PLXNA4: variants seen among roughly 807,000 people sequenced by gnomAD.
The protein encoded by PLXNA4 is plexin A4, also known as plexin-A4.
A neutral mutation model predicts 191.8 loss-of-function variants in PLXNA4; 44 were observed. That is an observed-to-expected ratio of 0.23 (90% CI 0.18 to 0.29). The LOEUF (loss-of-function observed/expected upper bound fraction) is 0.29, where lower values mean the gene tolerates loss of function less well. Ranked by LOEUF, PLXNA4 falls within the 10% of genes least tolerant of loss-of-function variation. The pLI, the probability that PLXNA4 is intolerant of heterozygous loss-of-function variation, is 1.00. For missense variants in PLXNA4, 1,800 were observed against 2,488.8 expected, an observed-to-expected ratio of 0.72 and a Z score of 5.89; for synonymous variants, 1,082 against 1,009.5, an observed-to-expected ratio of 1.07 and a Z score of -1.36.
chr7:132,471,087 T>G (rs1291464312), intron 3 of PLXNA4, among the ~76,000 whole-genome samples: 1 of 152,138 alleles, frequency 6.6e-6, no homozygotes, highest in Non-Finnish European at 1.5e-5. Flanking sequence ...GCGGTTTTTG[T>G]GATAGTGAGA....
intron 2 of PLXNA4, among the ~76,000 whole-genome samples, chr7:132,503,932 A>G (rs559961979): frequency 6.6e-6 from 1 of 152,204 alleles, no homozygotes; most frequent in Non-Finnish European, 1.5e-5. Flanking sequence ...GGGGTAAAGC[A>G]TGGCTCAGAG....
intron 1 of PLXNA4, among the ~76,000 whole-genome samples, chr7:132,571,665 A>G (rs923180390): frequency 4.6e-5 from 7 of 152,202 alleles, no homozygotes; most frequent in Non-Finnish European, 1.0e-4. Context: ...CTTCTATGCT[A>G]TCAAAATGGG....
At chr7:132,331,285 C>T (rs1416262718) in intron 3 of PLXNA4, among the ~76,000 whole-genome samples, 1 of 152,250 alleles carries the variant, frequency 6.6e-6, no homozygotes, top group African/African-American at 2.4e-5. Flanking sequence ...TGAACCTTGC[C>T]AGCTGGGGCT....
intron 4 of PLXNA4, among the ~76,000 whole-genome samples, chr7:132,264,499 A>C (rs1355732714): frequency 6.6e-6 from 1 of 152,028 alleles, no homozygotes; most frequent in African/African-American, 2.4e-5. Context: ...CCTGGTTTGC[A>C]GAGACACTTA....
chr7:132,323,707 G>A (rs1228572679), intron 3 of PLXNA4, among the ~76,000 whole-genome samples: 1 of 152,028 alleles, frequency 6.6e-6, no homozygotes, highest in East Asian at 1.9e-4. Flanking sequence ...CATGCTTCTG[G>A]GTTCTGCAAA....
intron 3 of PLXNA4, among the ~76,000 whole-genome samples, chr7:132,368,306 A>G (rs1804277739): frequency 6.6e-6 from 1 of 152,118 alleles, no homozygotes; most frequent in Non-Finnish European, 1.5e-5. Flanking sequence ...ATCAACTACT[A>G]AGGTATGAGA....
intron 3 of PLXNA4, among the ~76,000 whole-genome samples, chr7:132,389,785 T>C (rs932387320): frequency 6.6e-6 from 1 of 152,158 alleles, no homozygotes; most frequent in East Asian, 1.9e-4. Flanking sequence ...TTTGAAGTAG[T>C]TTTTTTTCCA....
In PLXNA4 at chr7:132,508,061, A is replaced by G. The variant is rs538064411; in HGVS notation, c.633T>C (p.Asp211=). 1.9e-6 allele frequency: 3 copies of G among 1,614,254 alleles called. No homozygotes were observed. In the African/African-American group the frequency reaches 4.0e-5, roughly 22 times the overall value. ...CATGGAAGACGTACGCGAACATGCCATCCGCCTCAGAGTTCTTGGTCAGTT... is the reference window on the plus strand; with the variant it reads ...CATGGAAGACGTACGCGAACATGCCGTCCGCCTCAGAGTTCTTGGTCAGTT... ...SRKLTKNSEA[D]GMFAYVFHDE... is the part of the protein sequence containing the mutation. Residue 211 remains aspartate, a synonymous_variant, in exon 2 of 32, where the codon GAT becomes GAC. Coordinates refer to ENST00000321063, the MANE Select transcript of PLXNA4 (RefSeq NM_020911.2). This position sits in a 1 kb window ranked among gnomAD's most constrained non-coding sequence, Gnocchi z 4.4.
chr7:132,621,884 G>A (rs1183761945), intron 2 of PLXNA4, among the ~76,000 whole-genome samples: 3 of 152,182 alleles, frequency 2.0e-5, no homozygotes, highest in Admixed American at 6.5e-5. Flanking sequence ...AATGTGGAAA[G>A]TCAACTACAT....
intron 2 of PLXNA4, among the ~76,000 whole-genome samples, chr7:132,604,101 AG>A (rs570377605): frequency 6.0e-4 from 90 of 150,188 alleles, no homozygotes; most frequent in African/African-American, 2.1e-3. Context: ...TTGTGTTGCA[AG>A]GGTGGGTGCT....
At chr7:132,130,916 G>A (rs540621202) in intron 31 of PLXNA4, among the ~76,000 whole-genome samples, 1 of 152,320 alleles carries the variant, frequency 6.6e-6, no homozygotes, top group East Asian at 1.9e-4. Context: ...TTACCTGCAG[G>A]TTAGACAGCA....
intron 2 of PLXNA4, among the ~76,000 whole-genome samples, chr7:132,630,143 C>G (rs543970917): frequency 9.2e-5 from 14 of 152,318 alleles, no homozygotes; most frequent in African/African-American, 3.4e-4. Flanking sequence ...AGCCACCTCA[C>G]CCGGCCTGGT....
chr7:132,137,223 C>G (rs768803554), intron 30 of PLXNA4, among the ~76,000 whole-genome samples: 2 of 152,186 alleles, frequency 1.3e-5, no homozygotes, highest in African/African-American at 4.8e-5. Flanking sequence ...AAATTCTTAA[C>G]CTTTTTTCAT....
chr7:132,125,002 T>TAA lies in PLXNA4; in HGVS notation c.*5475_*5476dup, dbSNP rs60177310. 4.0e-5 allele frequency: 6 copies of TAA among 151,630 alleles called. No homozygotes were observed. Among genetic ancestry groups the TAA allele is most frequent in the Admixed American group, 6.6e-5 (1 of 15,236 alleles). 9.4% of individuals were successfully genotyped at this position (151,630 alleles called of 1,614,324 possible). On this transcript the variant is annotated 3_prime_UTR_variant, in exon 32 of 32. Transcript: ENST00000321063. Reference sequence around the variant, plus strand: ...TTTAAAACTTGGATACTCCCTCTAATAAAATAATTTTATGGGGGAGCAAAA... The same window carrying TAA: ...TTTAAAACTTGGATACTCCCTCTAATAAAAAATAATTTTATGGGGGAGCAAAA...
intron 5 of PLXNA4, among the ~76,000 whole-genome samples, chr7:132,237,327 A>T (rs1448036190): frequency 1.3e-5 from 2 of 152,122 alleles, no homozygotes; most frequent in African/African-American, 4.8e-5. Flanking sequence ...CCACTCAGAG[A>T]TGGGGAGGGT....
At chr7:132,437,132 T>A (rs1013190702) in intron 3 of PLXNA4, among the ~76,000 whole-genome samples, 28 of 152,072 alleles carry the variant, frequency 1.8e-4, no homozygotes, top group Non-Finnish European at 4.4e-5. Flanking sequence ...GTTCCCTGAG[T>A]CCTCAGATGA....
chr7:132,258,132 T>C (rs552391331), intron 4 of PLXNA4, among the ~76,000 whole-genome samples: 15 of 152,368 alleles, frequency 9.8e-5, no homozygotes, highest in African/African-American at 3.6e-4. Flanking sequence ...GTCGGGTCAC[T>C]GAGACTCAGC....
intron 3 of PLXNA4, among the ~76,000 whole-genome samples, chr7:132,442,436 A>G (rs1271733703): frequency 6.6e-6 from 1 of 152,162 alleles, no homozygotes; most frequent in Non-Finnish European, 1.5e-5. Context: ...GTTTTAACAG[A>G]TGTCCTTTCC....
chr7:132,272,349 T>C (rs1800109373), intron 4 of PLXNA4, among the ~76,000 whole-genome samples: 1 of 152,218 alleles, frequency 6.6e-6, no homozygotes. Flanking sequence ...CAGTTTCTCA[T>C]CTGTAAAATG....
Sources: allele counts gnomAD v4.1 joint callset (sites outside exome capture counted in the v4.1 genomes callset), GRCh38; gene constraint gnomAD v4.1.1; non-coding constraint Gnocchi (gnomAD v3.1); transcripts MANE v1.5; gene names NCBI Gene and HGNC (gene_info 2026-07-23, HGNC 2026-07-21).